Variants in VPS8 observed in about 807,000 individuals in gnomAD.
VPS8 encodes the protein vacuolar protein sorting-associated protein 8 homolog.
A neutral mutation model predicts 216.4 loss-of-function variants in VPS8; 129 were observed. The observed-to-expected ratio is 0.60, with a 90% CI of 0.52 to 0.69. VPS8 has a LOEUF of 0.69. VPS8 is among the 30% of genes least tolerant of loss of function. VPS8 has a pLI of 0.00. For synonymous variants in VPS8, 571 were observed against 565.4 expected (o/e 1.01, Z -0.14); for missense variants, 1,531 against 1,683.5 (o/e 0.91, Z 1.59).
intron 5 of VPS8, among the ~76,000 whole-genome samples, chr3:184,837,491 A>T (rs1040365612): frequency 2.6e-5 from 4 of 152,152 alleles, no homozygotes; most frequent in Admixed American, 6.5e-5. Context: ...TTAACTATGT[A>T]TTACATGCTT....
At position 184,835,276 on chromosome 3, in the gene VPS8, T is replaced by A. The variant is rs193050249; in HGVS notation, c.447+534T>A. On this transcript the variant is annotated intron_variant, in intron 5 of 47. Coordinates refer to ENST00000625842, the MANE Select transcript of VPS8 (RefSeq NM_001009921.3). ...TCAGGAAGGTGATATTAACTTGTCT[T>A]AGATCATTCTGTTAGGAGGTAGCAA... is the stretch of plus-strand genomic sequence containing the variant. 6.7e-3 allele frequency among the ~76,000 whole-genome samples: 1,013 copies of A among 152,314 alleles called. 8 individuals are homozygous for A. Among genetic ancestry groups the A allele is most frequent in the Non-Finnish European group, 0.012 (813 of 68,016 alleles).
At chr3:185,017,746 A>C (rs1409170985) in intron 45 of VPS8, among the ~76,000 whole-genome samples, 1 of 152,186 alleles carries the variant, frequency 6.6e-6, no homozygotes, top group African/African-American at 2.4e-5. Context: ...CTACTGTGGC[A>C]CTACCGGCTG....
At chr3:184,985,437 TTCTGAACCCATAAGAG>T (rs1187700615) in intron 42 of VPS8, among the ~76,000 whole-genome samples, 3 of 152,236 alleles carry the variant, frequency 2.0e-5, no homozygotes, top group African/African-American at 7.2e-5. Context: ...AAAGGCATAG[TTCTGAACCCATAAGAG>T]CTCTTATTTA....
chr3:184,964,086 T>G (rs1746986463), intron 37 of VPS8, among the ~76,000 whole-genome samples: 1 of 152,102 alleles, frequency 6.6e-6, no homozygotes, highest in Admixed American at 6.5e-5. Flanking sequence ...TAATTTTTAT[T>G]AATATTTCAC....
At chr3:184,998,470 A>C (rs1476830184) in intron 44 of VPS8, among the ~76,000 whole-genome samples, 1 of 70,430 alleles carries the variant, frequency 1.4e-5, no homozygotes, top group Non-Finnish European at 3.5e-5. Context: ...AGAGTATAGA[A>C]GAGGAAGTTT....
At chr3:184,892,846 A>G (rs1560554147) in intron 22 of VPS8, among the ~76,000 whole-genome samples, 1 of 152,208 alleles carries the variant, frequency 6.6e-6, no homozygotes, top group South Asian at 2.1e-4. Flanking sequence ...ACTAAAATAT[A>G]TAATTATCTT....
At chr3:184,848,275 CTG>C (rs1371174577) in intron 8 of VPS8, among the ~76,000 whole-genome samples, 2 of 152,118 alleles carry the variant, frequency 1.3e-5, no homozygotes, top group Non-Finnish European at 2.9e-5. Context: ...AATGTTTACT[CTG>C]TAATTTGCAC....
chr3:185,036,581 G>GTT (rs149707850), intron 46 of VPS8, among the ~76,000 whole-genome samples: 2 of 144,822 alleles, frequency 1.4e-5, no homozygotes, highest in African/African-American at 2.5e-5. Flanking sequence ...CAGTTTTTCA[G>GTT]TTTTTTTTTT....
chr3:184,946,917 A>C (rs528061649), intron 36 of VPS8, among the ~76,000 whole-genome samples: 1 of 152,246 alleles, frequency 6.6e-6, no homozygotes, highest in East Asian at 1.9e-4. Context: ...AAACAAGCAG[A>C]AGCTTATTAA....
chr3:185,036,714 G>A (rs958508507), intron 46 of VPS8, among the ~76,000 whole-genome samples: 1 of 149,166 alleles, frequency 6.7e-6, no homozygotes, highest in African/African-American at 2.5e-5. Flanking sequence ...CCCCACTTTT[G>A]TGGTATTGCA....
chr3:184,932,902 A>G (rs1740935891), intron 34 of VPS8, among the ~76,000 whole-genome samples: 2 of 152,256 alleles, frequency 1.3e-5, no homozygotes, highest in African/African-American at 2.4e-5. Context: ...TATTAAGAAC[A>G]GTCTGTTCAC....
At chr3:185,011,793 T>C (rs1755049037) in intron 45 of VPS8, among the ~76,000 whole-genome samples, 1 of 152,118 alleles carries the variant, frequency 6.6e-6, no homozygotes, top group Non-Finnish European at 1.5e-5. Flanking sequence ...AGAAGGAAAG[T>C]GTAAACTATA....
At chr3:184,908,474 C>A (rs1261094573) in intron 25 of VPS8, among the ~76,000 whole-genome samples, 1 of 152,224 alleles carries the variant, frequency 6.6e-6, no homozygotes, top group African/African-American at 2.4e-5. Context: ...TGCAGCAGCA[C>A]CCAGACAAGG....
intron 37 of VPS8, among the ~76,000 whole-genome samples, chr3:184,959,710 G>A (rs867083655): frequency 1.4e-4 from 21 of 152,104 alleles, no homozygotes; most frequent in Non-Finnish European, 8.8e-5. Flanking sequence ...TTCCATTGGG[G>A]TTTGGGAAAT....
chr3:184,869,347 C>T (rs763160745), intron 19 of VPS8, 135 bp from the exon 20 acceptor site: 2 of 905,926 alleles, frequency 2.2e-6, no homozygotes, highest in East Asian at 2.6e-5. Flanking sequence ...GTGTATTATC[C>T]AACATTTTGA....
intron 45 of VPS8, among the ~76,000 whole-genome samples, chr3:185,001,345 A>G (rs1441580431): frequency 1.3e-5 from 2 of 152,210 alleles, no homozygotes; most frequent in Admixed American, 6.5e-5. Flanking sequence ...AGTGGTCCCC[A>G]TGACCCCCTC....
intron 15 of VPS8, among the ~76,000 whole-genome samples, chr3:184,862,673 C>T (rs1726589955): frequency 6.6e-6 from 1 of 152,214 alleles, no homozygotes; most frequent in Admixed American, 6.5e-5. Context: ...TTCTTTTACA[C>T]TATGAAAGTG....
At chr3:184,916,677 T>A (rs1737652191) in intron 28 of VPS8, among the ~76,000 whole-genome samples, 1 of 152,086 alleles carries the variant, frequency 6.6e-6, no homozygotes, top group East Asian at 1.9e-4. Flanking sequence ...ATCTAGTTGG[T>A]TTAGGAAATT....
chr3:184,879,100 T>C (rs956032994), intron 21 of VPS8, among the ~76,000 whole-genome samples: 2 of 152,278 alleles, frequency 1.3e-5, no homozygotes, highest in Non-Finnish European at 2.9e-5. Context: ...TCCCATGAAA[T>C]AGGGAAAACC....
Sources: allele counts gnomAD v4.1 joint callset (sites outside exome capture counted in the v4.1 genomes callset), GRCh38; gene constraint gnomAD v4.1.1; transcripts MANE v1.5; gene names NCBI Gene and HGNC (gene_info 2026-07-23, HGNC 2026-07-21).